The following RAB27B variants were observed in gnomAD, a reference collection of about 807,000 sequenced individuals.
RAB27B encodes the protein RAB27B, member RAS oncogene family.
Under a neutral mutation model 24.6 loss-of-function variants are expected in RAB27B, and 15 were observed. The ratio of observed to expected loss-of-function variants is 0.61; its 90% CI spans 0.41 to 0.94. The LOEUF (loss-of-function observed/expected upper bound fraction) is 0.94. Ranked by LOEUF, RAB27B falls within the 40% of genes least tolerant of loss-of-function variation. RAB27B has a pLI of 0.00. For synonymous variants in RAB27B, 105 were observed against 92.5 expected (o/e 1.14, Z -0.78); for missense variants, 261 against 266.8 (o/e 0.98, Z 0.15).
At chr18:54,833,475 C>T (rs1276637627) in intron 1 of RAB27B, among the ~76,000 whole-genome samples, 2 of 152,122 alleles carry the variant, frequency 1.3e-5, no homozygotes, top group Non-Finnish European at 2.9e-5. Context: ...GATCCGCCTG[C>T]CTTGGCCTCC....
chr18:54,733,498 T>C (rs1488734146), intron 2 of RAB27B, among the ~76,000 whole-genome samples: 1 of 152,216 alleles, frequency 6.6e-6, no homozygotes, highest in Non-Finnish European at 1.5e-5. Flanking sequence ...CAAAATTCAC[T>C]TCTGTCTAGA....
chr18:54,865,237 T>TGTGTGTG (rs1912166481), intron 1 of RAB27B, among the ~76,000 whole-genome samples: 38 of 143,486 alleles, frequency 2.6e-4, no homozygotes, highest in Admixed American at 9.7e-4. Context: ...CAATGGCCTT[T>TGTGTGTG]TGTGTGTGTG....
At chr18:54,720,938 A>G (rs985821576) in intron 2 of RAB27B, among the ~76,000 whole-genome samples, 1 of 152,124 alleles carries the variant, frequency 6.6e-6, no homozygotes, top group East Asian at 1.9e-4. Flanking sequence ...CCTTAAATAA[A>G]AGACTTAAAG....
intron 2 of RAB27B, among the ~76,000 whole-genome samples, chr18:54,755,508 T>C (rs980964078): frequency 6.6e-6 from 1 of 152,196 alleles, no homozygotes; most frequent in Non-Finnish European, 1.5e-5. Context: ...TCTTCTCCTA[T>C]GTGACAATGA....
chr18:54,735,408 G>A (rs934801516), intron 2 of RAB27B, among the ~76,000 whole-genome samples: 19 of 152,186 alleles, frequency 1.2e-4, no homozygotes, highest in African/African-American at 4.1e-4. Flanking sequence ...GTACATCACA[G>A]AAATTTATCT....
chr18:54,836,606 A>G (rs1482138992), intron 1 of RAB27B, among the ~76,000 whole-genome samples: 2 of 152,022 alleles, frequency 1.3e-5, no homozygotes, highest in Admixed American at 6.5e-5. Flanking sequence ...AATATTAACT[A>G]TATGTTTAAA....
chr18:54,807,052 C>T (rs1389731267), intron 2 of RAB27B, among the ~76,000 whole-genome samples: 1 of 152,120 alleles, frequency 6.6e-6, no homozygotes, highest in African/African-American at 2.4e-5. Flanking sequence ...AGGTGCACGC[C>T]ACCACACTCA....
chr18:54,866,263 T>TCCTCCCCG (rs147164249), intron 1 of RAB27B, among the ~76,000 whole-genome samples: 12 of 151,530 alleles, frequency 7.9e-5, no homozygotes, highest in Admixed American at 1.3e-4. Context: ...GGGATCCTTC[T>TCCTCCCCG]CCTCCCCGCC....
chr18:54,849,076 A>G (rs1380103035), intron 1 of RAB27B, among the ~76,000 whole-genome samples: 2 of 152,216 alleles, frequency 1.3e-5, no homozygotes, highest in Admixed American at 1.3e-4. Flanking sequence ...TTTTCAAAGC[A>G]TGGATTTGGC....
intron 2 of RAB27B, among the ~76,000 whole-genome samples, chr18:54,731,313 G>T (rs568163489): frequency 2.0e-5 from 3 of 152,332 alleles, no homozygotes; most frequent in Admixed American, 2.0e-4. Context: ...CAAATCCATA[G>T]TCATAGTGAG....
At chr18:54,838,411 A>G (rs1910978269) in intron 1 of RAB27B, among the ~76,000 whole-genome samples, 1 of 152,090 alleles carries the variant, frequency 6.6e-6, no homozygotes, top group Non-Finnish European at 1.5e-5. Context: ...ACTGTTTGAA[A>G]AAGTTTGGGG....
At chr18:54,831,148 A>C (rs1333549493) in intron 1 of RAB27B, among the ~76,000 whole-genome samples, 1 of 152,168 alleles carries the variant, frequency 6.6e-6, no homozygotes, top group African/African-American at 2.4e-5. Context: ...GGCATGCAGA[A>C]AGTGTCAGTG....
chr18:54,813,169 C>G (rs1214603084), intron 2 of RAB27B, among the ~76,000 whole-genome samples: 2 of 152,122 alleles, frequency 1.3e-5, no homozygotes, highest in Non-Finnish European at 2.9e-5. Flanking sequence ...TTTCTGTATC[C>G]CATCTGCTTA....
intron 2 of RAB27B, among the ~76,000 whole-genome samples, chr18:54,728,409 G>T (rs916516444): frequency 7.2e-5 from 11 of 152,178 alleles, no homozygotes; most frequent in Admixed American, 1.3e-4. Flanking sequence ...ACCCTGAGGG[G>T]TGAAGCCCAT....
chr18:54,788,788 A>G (rs1909166119), intron 2 of RAB27B, among the ~76,000 whole-genome samples: 1 of 151,896 alleles, frequency 6.6e-6, no homozygotes, highest in Admixed American at 6.6e-5. Flanking sequence ...GGAAGAAGCT[A>G]TTTTTGTGTA....
At chr18:54,755,268 T>C (rs1456094962) in intron 2 of RAB27B, among the ~76,000 whole-genome samples, 16 of 152,124 alleles carry the variant, frequency 1.1e-4, no homozygotes, top group Non-Finnish European at 2.4e-4. Flanking sequence ...TGCACACCTG[T>C]AGTCTCAGCT....
At chr18:54,789,041 A>T (rs975492203) in intron 2 of RAB27B, among the ~76,000 whole-genome samples, 7 of 152,200 alleles carry the variant, frequency 4.6e-5, no homozygotes, top group African/African-American at 1.7e-4. Flanking sequence ...TATTTATCCT[A>T]GGTATTGTGC....
At chr18:54,740,020 T>A (rs1910025500) in intron 2 of RAB27B, among the ~76,000 whole-genome samples, 1 of 152,234 alleles carries the variant, frequency 6.6e-6, no homozygotes, top group African/African-American at 2.4e-5. Context: ...TGCAAATATG[T>A]TCTTCTCTCA....
At chr18:54,840,315 G>C (rs1911058752) in intron 1 of RAB27B, among the ~76,000 whole-genome samples, 1 of 152,166 alleles carries the variant, frequency 6.6e-6, no homozygotes, top group Non-Finnish European at 1.5e-5. Context: ...GGAAATCAAT[G>C]ATTTGTTGGC....
Sources: allele counts gnomAD v4.1 joint callset (sites outside exome capture counted in the v4.1 genomes callset), GRCh38; gene constraint gnomAD v4.1.1; transcripts MANE v1.5; gene names NCBI Gene and HGNC (gene_info 2026-07-23, HGNC 2026-07-21).